VEGFC: variants seen among roughly 807,000 people sequenced by gnomAD.
VEGFC encodes the protein FLT4 ligand DHM.
VEGFC carries 12 observed loss-of-function variants against 46.1 expected under a neutral mutation model. The ratio of observed to expected loss-of-function variants is 0.26; its 90% CI spans 0.17 to 0.42. VEGFC has a LOEUF of 0.42. Ranked by LOEUF, VEGFC falls within the 10% of genes least tolerant of loss-of-function variation. The pLI, the probability that VEGFC is intolerant of heterozygous loss-of-function variation, is 1.00. For synonymous variants in VEGFC, 232 were observed against 195.5 expected, an observed-to-expected ratio of 1.19 and a Z score of -1.56; for missense variants, 488 against 529.4, an observed-to-expected ratio of 0.92 and a Z score of 0.77.
chr4:176,696,896 T>G (rs1484747987), intron 4 of VEGFC, among the ~76,000 whole-genome samples: 1 of 152,062 alleles, frequency 6.6e-6, no homozygotes, highest in South Asian at 2.1e-4. Context: ...GGATGCCCTA[T>G]TTAATAAATG....
chr4:176,686,086 A>G (rs894799878), intron 6 of VEGFC, among the ~76,000 whole-genome samples: 7 of 152,338 alleles, frequency 4.6e-5, no homozygotes, highest in African/African-American at 1.7e-4. Flanking sequence ...AAGAGAATCC[A>G]GTGAAAGTGA....
chr4:176,704,744 A>G (rs1413247977), intron 4 of VEGFC, among the ~76,000 whole-genome samples: 1 of 152,086 alleles, frequency 6.6e-6, no homozygotes, highest in Non-Finnish European at 1.5e-5. Context: ...CTGCATATAT[A>G]CTTTTAGTAG....
intron 1 of VEGFC, among the ~76,000 whole-genome samples, chr4:176,745,685 T>C (rs1735248778): frequency 6.6e-6 from 1 of 152,050 alleles, no homozygotes; most frequent in African/African-American, 2.4e-5. Flanking sequence ...GAGTATTATG[T>C]CCAGTTGTAA....
intron 1 of VEGFC, among the ~76,000 whole-genome samples, chr4:176,736,723 T>A (rs1469270940): frequency 1.3e-5 from 2 of 151,786 alleles, no homozygotes; most frequent in Non-Finnish European, 2.9e-5. Flanking sequence ...TTAAAAATAT[T>A]TCTTTAGTAA....
chr4:176,705,161 TATTATA>T (rs1223727992), intron 4 of VEGFC, among the ~76,000 whole-genome samples: 3 of 152,112 alleles, frequency 2.0e-5, no homozygotes, highest in African/African-American at 4.8e-5. Context: ...CCTAATACAG[TATTATA>T]GAGATAGAAG....
chr4:176,737,654 A>G (rs1735079231), intron 1 of VEGFC, among the ~76,000 whole-genome samples: 2 of 151,680 alleles, frequency 1.3e-5, no homozygotes, highest in African/African-American at 4.8e-5. Flanking sequence ...CTATTGTAGG[A>G]TAACTGCTTT....
At chr4:176,767,182 C>T (rs1307433541) in intron 1 of VEGFC, among the ~76,000 whole-genome samples, 1 of 138,258 alleles carries the variant, frequency 7.2e-6, no homozygotes, top group Non-Finnish European at 1.6e-5. Flanking sequence ...CTTAAACAGG[C>T]ATTTTATAAA....
chr4:176,765,510 ATAC>A (rs1735604190), intron 1 of VEGFC, among the ~76,000 whole-genome samples: 1 of 152,022 alleles, frequency 6.6e-6, no homozygotes, highest in South Asian at 2.1e-4. Context: ...TACATCTAAA[ATAC>A]TACACCATAA....
chr4:176,790,560 A>C (rs1415695725), intron 1 of VEGFC, among the ~76,000 whole-genome samples: 2 of 152,050 alleles, frequency 1.3e-5, no homozygotes, highest in Non-Finnish European at 2.9e-5. Context: ...CTCAAGGTAC[A>C]TTAATTCTAG....
intron 4 of VEGFC, among the ~76,000 whole-genome samples, chr4:176,699,763 C>T (rs1421170344): frequency 1.3e-5 from 2 of 152,128 alleles, no homozygotes; most frequent in Non-Finnish European, 2.9e-5. Context: ...TTATATTCAA[C>T]GTTATTAAGT....
chr4:176,698,047 G>A (rs1206856375), intron 4 of VEGFC, among the ~76,000 whole-genome samples: 1 of 151,956 alleles, frequency 6.6e-6, no homozygotes, highest in Non-Finnish European at 1.5e-5. Context: ...TGACAAGTTA[G>A]TGGGTGCAGC....
At chr4:176,723,418 G>A (rs866373553) in intron 3 of VEGFC, among the ~76,000 whole-genome samples, 4 of 147,796 alleles carry the variant, frequency 2.7e-5, no homozygotes, top group Admixed American at 2.7e-4. Context: ...GTTTGGGGGT[G>A]CATGTGCAGG....
At chr4:176,749,573 T>C (rs1735308151) in intron 1 of VEGFC, among the ~76,000 whole-genome samples, 1 of 151,850 alleles carries the variant, frequency 6.6e-6, no homozygotes, top group Non-Finnish European at 1.5e-5. Flanking sequence ...TATTTAATTA[T>C]AGCCACAAAG....
intron 4 of VEGFC, among the ~76,000 whole-genome samples, chr4:176,692,857 G>T (rs910009505): frequency 6.8e-6 from 1 of 146,398 alleles, no homozygotes; most frequent in Non-Finnish European, 1.5e-5. Context: ...GCACCCCCCA[G>T]CAGGGGCACA....
At chr4:176,790,723 T>G (rs1039006902) in intron 1 of VEGFC, among the ~76,000 whole-genome samples, 2 of 152,234 alleles carry the variant, frequency 1.3e-5, no homozygotes, top group African/African-American at 2.4e-5. Context: ...ATACTTTTAC[T>G]AGTTTTGACT....
At chr4:176,688,916 G>T (rs545349105) in intron 4 of VEGFC, among the ~76,000 whole-genome samples, 1 of 152,312 alleles carries the variant, frequency 6.6e-6, no homozygotes, top group East Asian at 1.9e-4. Context: ...GAGATCAGAA[G>T]TGTTTAGTGC....
chr4:176,756,659 G>C (rs1735437592), intron 1 of VEGFC, among the ~76,000 whole-genome samples: 2 of 152,026 alleles, frequency 1.3e-5, no homozygotes, highest in Non-Finnish European at 2.9e-5. Context: ...ACAGAGTTTG[G>C]ATTTTAGTCC....
At chr4:176,691,345 G>A (rs1734176076) in intron 4 of VEGFC, among the ~76,000 whole-genome samples, 1 of 152,078 alleles carries the variant, frequency 6.6e-6, no homozygotes. Context: ...ATTTATAAAA[G>A]ACATTGATTC....
chr4:176,771,660 G>C (rs930598994), intron 1 of VEGFC, among the ~76,000 whole-genome samples: 1 of 152,134 alleles, frequency 6.6e-6, no homozygotes, highest in Non-Finnish European at 1.5e-5. Context: ...AAAGTCTAAG[G>C]TTCTTGTTAT....
Sources: allele counts gnomAD v4.1 joint callset (sites outside exome capture counted in the v4.1 genomes callset), GRCh38; gene constraint gnomAD v4.1.1; transcripts MANE v1.5; gene names NCBI Gene and HGNC (gene_info 2026-07-23, HGNC 2026-07-21).